Variants in NOSTRIN observed in about 807,000 individuals in gnomAD.
The protein encoded by NOSTRIN is nitric oxide synthase trafficking, also known as BM247 homolog.
In NOSTRIN, 63 loss-of-function variants were observed where a neutral mutation model predicts 59.0. That is an observed-to-expected ratio of 1.07 (90% CI 0.87 to 1.32). The LOEUF is 1.32. Among genes scored for constraint, NOSTRIN ranks in the 40% most tolerant of loss-of-function variants. The probability of loss-of-function intolerance (pLI) is 0.00; values close to 1 mark genes in which losing one functional copy is unlikely to be tolerated. For synonymous variants in NOSTRIN, 200 were observed against 165.4 expected (o/e 1.21, Z -1.61); for missense variants, 512 against 473.1 (o/e 1.08, Z -0.76).
chr2:168,820,434 A>C (rs1313872071), intron 2 of NOSTRIN, among the ~76,000 whole-genome samples: 1 of 152,194 alleles, frequency 6.6e-6, no homozygotes, highest in Non-Finnish European at 1.5e-5. Context: ...CCTAGGGAGA[A>C]CACAGGTCAA....
intron 8 of NOSTRIN, among the ~76,000 whole-genome samples, chr2:168,846,169 T>C (rs1330133218): frequency 6.6e-6 from 1 of 152,200 alleles, no homozygotes; most frequent in African/African-American, 2.4e-5. Flanking sequence ...GTATGCCATA[T>C]TTTGTGTATG....
chr2:168,859,102 A>G (rs1689285720), intron 12 of NOSTRIN: 1 of 155,504 alleles, frequency 6.4e-6, no homozygotes, highest in Non-Finnish European at 1.4e-5. Context: ...ATTTGCGTCT[A>G]TTGATGTTAA....
chr2:168,787,127 G>A (rs1166180781), intron 1 of NOSTRIN, among the ~76,000 whole-genome samples: 1 of 152,138 alleles, frequency 6.6e-6, no homozygotes, highest in East Asian at 1.9e-4. Context: ...GTAAGAAAAG[G>A]TTTCAAGCAG....
At chr2:168,846,629 C>T (rs1269320211) in intron 8 of NOSTRIN, among the ~76,000 whole-genome samples, 1 of 152,126 alleles carries the variant, frequency 6.6e-6, no homozygotes, top group Non-Finnish European at 1.5e-5. Context: ...ATAGAAATAA[C>T]CTATATTTTT....
chr2:168,801,586 C>G (rs797000709), upstream of NOSTRIN, among the ~76,000 whole-genome samples: 4 of 152,256 alleles, frequency 2.6e-5, no homozygotes, highest in African/African-American at 9.6e-5. Flanking sequence ...CTGAGTCAGC[C>G]AGTCAGGTGA....
At chr2:168,849,070 T>C (rs1172935376) in intron 8 of NOSTRIN, among the ~76,000 whole-genome samples, 2 of 152,200 alleles carry the variant, frequency 1.3e-5, no homozygotes, top group Admixed American at 1.3e-4. Flanking sequence ...AATGGGCTCC[T>C]GTAGGAATTT....
upstream of NOSTRIN, chr2:168,802,613 T>C (rs772612020): frequency 9.2e-6 from 8 of 865,640 alleles, no homozygotes; most frequent in African/African-American, 1.6e-5. Context: ...TGCTGGAGCG[T>C]AGGTGAAAGG....
At chr2:168,837,637 A>G (rs1021618808) in intron 7 of NOSTRIN, among the ~76,000 whole-genome samples, 1 of 152,120 alleles carries the variant, frequency 6.6e-6, no homozygotes, top group Admixed American at 6.5e-5. Flanking sequence ...AGGGGTATCT[A>G]TCTGCTCTGT....
At chr2:168,815,032 C>T (rs567275228) in intron 2 of NOSTRIN, among the ~76,000 whole-genome samples, 27 of 152,270 alleles carry the variant, frequency 1.8e-4, no homozygotes, top group Non-Finnish European at 3.1e-4. Context: ...TACTTAAGAG[C>T]TCCTGGAATG....
At chr2:168,810,492 C>T (rs1443414218) in intron 1 of NOSTRIN, among the ~76,000 whole-genome samples, 7 of 152,126 alleles carry the variant, frequency 4.6e-5, no homozygotes, top group Non-Finnish European at 8.8e-5. Flanking sequence ...TTTCTGGGCC[C>T]TGAGGGGTTG....
chr2:168,864,880 T>C lies in NOSTRIN; in HGVS notation c.1431T>C (p.Phe477=), dbSNP rs547483781. 8.1e-6 allele frequency: 13 copies of C among 1,614,060 alleles called. No homozygotes were observed. In the South Asian group the frequency reaches 1.4e-4, roughly 18 times the overall value. The change falls in exon 16 of 16, where the codon TTT becomes TTC. Residue 477 remains phenylalanine, a synonymous_variant. Coordinates refer to ENST00000317647, the MANE Select transcript of NOSTRIN (RefSeq NM_001039724.4). ...AGAAAAAAGAAGGAGGATGGTGGTT[T>C]GGATCTTTGAATGGGAAAAAAGGCC... ...IHEKKEGGWW[F]GSLNGKKGHF... is the part of the protein sequence containing the mutation.
At chr2:168,814,387 T>C (rs760759953) in intron 2 of NOSTRIN, among the ~76,000 whole-genome samples, 12 of 152,230 alleles carry the variant, frequency 7.9e-5, no homozygotes, top group Admixed American at 1.3e-4. Flanking sequence ...CTCCTCTAGA[T>C]ATACATTGGA....
At chr2:168,820,529 C>T (rs1416629941) in intron 2 of NOSTRIN, among the ~76,000 whole-genome samples, 2 of 152,054 alleles carry the variant, frequency 1.3e-5, no homozygotes, top group Non-Finnish European at 2.9e-5. Context: ...TATACAGGAA[C>T]TTTTAACCTG....
intron 5 of NOSTRIN, among the ~76,000 whole-genome samples, chr2:168,829,164 ATAAT>A (rs1226625350): frequency 6.6e-6 from 1 of 152,194 alleles, no homozygotes; most frequent in Non-Finnish European, 1.5e-5. Context: ...TTACAGAAAG[ATAAT>A]TAAACAATCC....
intron 1 of NOSTRIN, among the ~76,000 whole-genome samples, chr2:168,803,627 G>C (rs1205034435): frequency 1.3e-5 from 2 of 152,168 alleles, no homozygotes; most frequent in African/African-American, 4.8e-5. Flanking sequence ...AATCAGATGA[G>C]CTAAATGAGA....
intron 1 of NOSTRIN, among the ~76,000 whole-genome samples, chr2:168,806,096 T>C (rs1685837633): frequency 6.6e-6 from 1 of 152,096 alleles, no homozygotes; most frequent in African/African-American, 2.4e-5. Context: ...AACAAGTACA[T>C]GGAATCCCTT....
chr2:168,824,173 T>G lies in NOSTRIN; in HGVS notation c.114-461T>G, dbSNP rs570984181. Among the ~76,000 whole-genome samples, 38 of 152,358 alleles carry G rather than the reference T, an allele frequency of 2.5e-4. No homozygotes were observed. In the South Asian group the frequency reaches 4.1e-3, roughly 17 times the overall value. On this transcript the variant is annotated intron_variant, in intron 2 of 15. Transcript: ENST00000317647. The stretch of plus-strand genomic sequence containing the variant: ...ATGCTTAAGGACAAAAGGATCCTTG[T>G]AGTAAACAAATCATCTCTTCTTTAC...
At chr2:168,799,423 G>T (rs1017119711), upstream of NOSTRIN, among the ~76,000 whole-genome samples, 2 of 152,086 alleles carry the variant, frequency 1.3e-5, no homozygotes, top group South Asian at 4.1e-4. Context: ...GCCATTTTTG[G>T]GGACTGGAGG....
Position 168,856,887 on chromosome 2 carries a change from T to G in NOSTRIN, c.1053+109T>G. 4 of 934,220 alleles carry G rather than the reference T, an allele frequency of 4.3e-6. No homozygotes were observed. The South Asian group carries it at 4.5e-5, about 10-fold the overall frequency. 57.9% of individuals were successfully genotyped at this position (934,220 alleles called of 1,614,324 possible). On this transcript the variant is annotated intron_variant, in intron 12 of 15. Transcript: ENST00000317647. ...TGTTTGCCTTTCCTTTCTCATGACA[T>G]AGAACAATCTAGTGGGGGAGCTTAT...
Sources: gnomAD v4.1 joint callset for allele counts (sites outside exome capture counted in the v4.1 genomes callset) on GRCh38, gnomAD v4.1.1 for gene constraint, MANE v1.5 for transcripts, NCBI Gene and HGNC (gene_info 2026-07-23, HGNC 2026-07-21) for gene names.